The following PDE4D variants were observed in gnomAD, a reference collection of about 807,000 sequenced individuals.
The protein encoded by PDE4D is phosphodiesterase 4D, also known as 3',5'-cyclic-AMP phosphodiesterase 4D.
Under a neutral mutation model 87.4 loss-of-function variants are expected in PDE4D, and 24 were observed. That is an observed-to-expected ratio of 0.27 (90% CI 0.20 to 0.39). The LOEUF is 0.39. Among genes scored for constraint, PDE4D ranks in the 10% least tolerant of loss-of-function variants. The probability of loss-of-function intolerance (pLI) is 1.00; values close to 1 mark genes in which losing one functional copy is unlikely to be tolerated. For missense variants in PDE4D, 714 were observed against 1,041.0 expected (o/e 0.69, Z 4.32); for synonymous variants, 384 against 383.2 (o/e 1.00, Z -0.02).
intron 3 of PDE4D, among the ~76,000 whole-genome samples, chr5:59,930,532 T>C (rs908053702): frequency 1.3e-5 from 2 of 152,222 alleles, no homozygotes; most frequent in Admixed American, 6.5e-5. Flanking sequence ...TGCTAACACC[T>C]TGATTTTAGG....
intron 1 of PDE4D, among the ~76,000 whole-genome samples, chr5:60,314,734 G>T (rs1215998275): frequency 6.6e-6 from 1 of 152,032 alleles, no homozygotes; most frequent in South Asian, 2.1e-4. Context: ...ACAACATGCG[G>T]TGTTTGGGTT....
At chr5:59,449,637 C>G (rs1238977421) in intron 1 of PDE4D, among the ~76,000 whole-genome samples, 2 of 152,080 alleles carry the variant, frequency 1.3e-5, no homozygotes, top group Admixed American at 1.3e-4. Context: ...AGTTTAGGAA[C>G]CAAAAGAACA....
At chr5:59,722,134 A>T (rs1431426259) in intron 1 of PDE4D, among the ~76,000 whole-genome samples, 2 of 152,228 alleles carry the variant, frequency 1.3e-5, no homozygotes, top group African/African-American at 4.8e-5. Context: ...CCTATAATTA[A>T]TCTTCATTCA....
At chr5:59,038,997 C>T in intron 5 of PDE4D, 26 bp from the exon 6 acceptor site, 4 of 1,556,380 alleles carry the variant, frequency 2.6e-6, no homozygotes, top group Non-Finnish European at 3.5e-6. Flanking sequence ...GAAAGGGGGA[C>T]TCAGTTCTCA....
At chr5:59,053,573 AT>A (rs1761867260) in intron 5 of PDE4D, among the ~76,000 whole-genome samples, 1 of 151,126 alleles carries the variant, frequency 6.6e-6, no homozygotes, top group Non-Finnish European at 1.5e-5. Flanking sequence ...TTTTCATTAT[AT>A]ATCTTCATTC....
At chr5:59,503,262 G>C (rs1471014081) in intron 1 of PDE4D, among the ~76,000 whole-genome samples, 1 of 152,090 alleles carries the variant, frequency 6.6e-6, no homozygotes, top group Non-Finnish European at 1.5e-5. Context: ...GAAATATAGG[G>C]GAAACTGTAA....
intron 1 of PDE4D, among the ~76,000 whole-genome samples, chr5:60,405,523 AC>A (rs1222490263): frequency 1.3e-5 from 2 of 152,240 alleles, no homozygotes; most frequent in Non-Finnish European, 2.9e-5. Context: ...ATAGGTGGGC[AC>A]CGCTATGCTA....
At chr5:60,431,117 G>C (rs1207852916) in intron 1 of PDE4D, 1 of 218,492 alleles carries the variant, frequency 4.6e-6, no homozygotes, top group Non-Finnish European at 9.0e-6. Flanking sequence ...CAGTAGGGGC[G>C]GCCGGGCAGA....
intron 5 of PDE4D, among the ~76,000 whole-genome samples, chr5:59,166,019 A>C (rs910642903): frequency 2.6e-5 from 4 of 152,054 alleles, no homozygotes; most frequent in Non-Finnish European, 5.9e-5. Flanking sequence ...CAGCACCCCC[A>C]CCACCACCTG....
At chr5:59,963,464 C>A (rs375331142) in intron 3 of PDE4D, among the ~76,000 whole-genome samples, 8 of 152,224 alleles carry the variant, frequency 5.3e-5, no homozygotes, top group African/African-American at 1.9e-4. Flanking sequence ...GCTCTCCTGG[C>A]AGTCTATTGA....
At chr5:59,714,422 TG>T (rs1481122298) in intron 1 of PDE4D, among the ~76,000 whole-genome samples, 2 of 152,160 alleles carry the variant, frequency 1.3e-5, no homozygotes, top group African/African-American at 4.8e-5. Flanking sequence ...GTGCCTGGCC[TG>T]GGGGGACACC....
Position 59,342,725 on chromosome 5 carries a change from T to C in PDE4D, c.456-126757A>G, listed in dbSNP as rs546673522. ...TGTAGGCATCAGGGAGGTCTCATTC[T>C]TGTAACCCCAGAATATAAAATATAA... On this transcript the variant is annotated intron_variant, in intron 1 of 14. Coordinates refer to ENST00000340635, the MANE Select transcript of PDE4D (RefSeq NM_001104631.2). Among the ~76,000 whole-genome samples, 3 of 152,218 alleles carry C rather than the reference T, an allele frequency of 2.0e-5. No individual in the cohort carries two copies. The South Asian group carries it at 6.2e-4, about 32-fold the overall frequency.
At chr5:60,120,900 T>G (rs576865383) in intron 2 of PDE4D, among the ~76,000 whole-genome samples, 1 of 152,218 alleles carries the variant, frequency 6.6e-6, no homozygotes, top group South Asian at 2.1e-4. Context: ...GATTAACATT[T>G]GAGTCAGTGG....
At chr5:59,533,320 C>T (rs1239859137) in intron 1 of PDE4D, among the ~76,000 whole-genome samples, 1 of 152,218 alleles carries the variant, frequency 6.6e-6, no homozygotes, top group Non-Finnish European at 1.5e-5. Flanking sequence ...TTGCTTGGAA[C>T]TCATATGCTT....
intron 1 of PDE4D, among the ~76,000 whole-genome samples, chr5:59,663,974 T>C (rs2150298848): frequency 6.6e-6 from 1 of 152,314 alleles, no homozygotes; most frequent in South Asian, 2.1e-4. Context: ...ATGTAGAACT[T>C]TGTTTTAAAA....
intron 5 of PDE4D, among the ~76,000 whole-genome samples, chr5:59,143,727 A>G (rs763430488): frequency 2.6e-5 from 4 of 152,250 alleles, no homozygotes; most frequent in African/African-American, 7.2e-5. Flanking sequence ...ATTAGTGTTC[A>G]GGCAATATTT....
intron 1 of PDE4D, among the ~76,000 whole-genome samples, chr5:60,292,232 ATC>A (rs773540855): frequency 2.0e-5 from 3 of 152,194 alleles, no homozygotes; most frequent in Non-Finnish European, 4.4e-5. Flanking sequence ...AAAACAAAAT[ATC>A]CTTTTGGTCT....
intron 2 of PDE4D, among the ~76,000 whole-genome samples, chr5:59,993,560 A>T (rs1323803460): frequency 6.6e-6 from 1 of 152,158 alleles, no homozygotes; most frequent in Non-Finnish European, 1.5e-5. Flanking sequence ...AAACAAAACA[A>T]AAAAGTCACA....
intron 3 of PDE4D, among the ~76,000 whole-genome samples, chr5:59,940,241 G>A (rs1011652152): frequency 6.6e-6 from 1 of 152,142 alleles, no homozygotes; most frequent in Admixed American, 6.5e-5. Context: ...AGGAGTTTCG[G>A]TTTCTTTCCT....
Sources: allele counts gnomAD v4.1 joint callset (sites outside exome capture counted in the v4.1 genomes callset), GRCh38; gene constraint gnomAD v4.1.1; transcripts MANE v1.5; gene names NCBI Gene and HGNC (gene_info 2026-07-23, HGNC 2026-07-21).